Variants in ITPR1 observed in about 807,000 individuals in gnomAD.
ITPR1 encodes inositol 1,4,5-trisphosphate-gated calcium channel ITPR1.
A neutral mutation model predicts 318.4 loss-of-function variants in ITPR1; 96 were observed. That is an observed-to-expected ratio of 0.30 (90% confidence interval 0.26 to 0.36). ITPR1 has a LOEUF of 0.36. Ranked by LOEUF, ITPR1 falls within the 10% of genes least tolerant of loss-of-function variation. The pLI is 1.00. For missense variants in ITPR1, 2,440 were observed against 3,460.2 expected (o/e 0.71, Z 7.40); for synonymous variants, 1,312 against 1,289.9 (o/e 1.02, Z -0.37).
chr3:4,675,532 G>A (rs2094166693), intron 23 of ITPR1, among the ~76,000 whole-genome samples: 1 of 152,212 alleles, frequency 6.6e-6, no homozygotes, highest in Non-Finnish European at 1.5e-5. Flanking sequence ...ATGTGTTTAT[G>A]TATGAGTCGT....
chr3:4,632,860 G>T (rs1004620527), intron 5 of ITPR1, among the ~76,000 whole-genome samples: 1 of 134,324 alleles, frequency 7.4e-6, no homozygotes, highest in Non-Finnish European at 1.6e-5. Context: ...TGCTGTTTAT[G>T]TTTTTAAAAA....
chr3:4,774,793 A>G (rs79168837), intron 46 of ITPR1, among the ~76,000 whole-genome samples: 3,526 of 152,262 alleles, frequency 0.023, 140 homozygotes, highest in African/African-American at 0.08. Flanking sequence ...TCACACCCCC[A>G]TTTTATGGTG....
chr3:4,826,363 T>G lies in ITPR1; in HGVS notation c.8028+8121T>G, dbSNP rs1200229551. On this transcript the variant is annotated intron_variant, in intron 60 of 61. Transcript: ENST00000649015. The surrounding 1 kb of genome is among the most constrained non-coding windows in gnomAD (Gnocchi z 4.2). ...TGTCACCTGGGCTCTGACAAGCCCT[T>G]AACCATGGGTGAGGATACAGCCTGT... Among the ~76,000 whole-genome samples, 1 of 152,218 alleles carries G rather than the reference T, an allele frequency of 6.6e-6. No individual in the cohort carries two copies. The highest frequency in any genetic ancestry group is 2.4e-5 in the African/African-American group (1 of 41,460).
chr3:4,727,842 C>G (rs1425387977), intron 42 of ITPR1, among the ~76,000 whole-genome samples: 2 of 152,220 alleles, frequency 1.3e-5, no homozygotes, highest in African/African-American at 4.8e-5. Flanking sequence ...TCCCAAAGTG[C>G]TGGGATTACA....
intron 40 of ITPR1, among the ~76,000 whole-genome samples, chr3:4,719,088 T>C (rs889018498): frequency 2.6e-5 from 4 of 152,236 alleles, no homozygotes; most frequent in Non-Finnish European, 4.4e-5. Context: ...AAGATAGAAC[T>C]TGGGTCTCCT....
intron 51 of ITPR1, among the ~76,000 whole-genome samples, chr3:4,784,581 T>TA (rs1559890703): frequency 2.7e-5 from 4 of 147,186 alleles, no homozygotes; most frequent in Admixed American, 6.8e-5. Flanking sequence ...TTTTTTTTTT[T>TA]TAAAAAAGGT....
chr3:4,760,888 C>T (rs186132950), intron 44 of ITPR1, among the ~76,000 whole-genome samples: 1 of 152,304 alleles, frequency 6.6e-6, no homozygotes, highest in East Asian at 1.9e-4. Flanking sequence ...ACTTTAAGGT[C>T]GGTGATTAGC....
chr3:4,567,959 C>T (rs981362864), intron 4 of ITPR1, among the ~76,000 whole-genome samples: 7 of 147,842 alleles, frequency 4.7e-5, no homozygotes, highest in African/African-American at 1.8e-4. Flanking sequence ...TCAACACTCC[C>T]AGTAAGTCAC....
intron 7 of ITPR1, among the ~76,000 whole-genome samples, chr3:4,642,950 C>T (rs575279618): frequency 6.6e-5 from 10 of 152,214 alleles, no homozygotes; most frequent in East Asian, 5.8e-4. Flanking sequence ...AAAAATATGC[C>T]GCAAACAGCA....
At chr3:4,561,122 T>C (rs1013726711) in intron 4 of ITPR1, among the ~76,000 whole-genome samples, 5 of 152,170 alleles carry the variant, frequency 3.3e-5, no homozygotes, top group Non-Finnish European at 7.3e-5. Context: ...GATTTGCTAA[T>C]TGTCTGTATG....
At chr3:4,801,404 T>C (rs1245063145) in intron 54 of ITPR1, among the ~76,000 whole-genome samples, 16 of 152,078 alleles carry the variant, frequency 1.1e-4, no homozygotes, top group Admixed American at 9.8e-4. Flanking sequence ...GCAAGGACTT[T>C]AGAGAACAGG....
chr3:4,573,719 A>C (rs183746385), intron 4 of ITPR1, among the ~76,000 whole-genome samples: 2 of 152,282 alleles, frequency 1.3e-5, no homozygotes, highest in Non-Finnish European at 2.9e-5. Flanking sequence ...GGGTGTCTGT[A>C]TTCACAGACA....
chr3:4,532,478 C>T (rs554047487), intron 4 of ITPR1, among the ~76,000 whole-genome samples: 3 of 152,198 alleles, frequency 2.0e-5, no homozygotes, highest in Non-Finnish European at 2.9e-5. Flanking sequence ...GATCTTCCCC[C>T]CTCAGCCTCC....
At chr3:4,772,347 C>G (rs2046239711) in intron 46 of ITPR1, among the ~76,000 whole-genome samples, 1 of 152,230 alleles carries the variant, frequency 6.6e-6, no homozygotes, top group Non-Finnish European at 1.5e-5. Context: ...TGGGCTCGTG[C>G]CCGGAGTTGC....
chr3:4,773,830 T>C (rs1161637826), intron 46 of ITPR1, among the ~76,000 whole-genome samples: 1 of 152,144 alleles, frequency 6.6e-6, no homozygotes, highest in African/African-American at 2.4e-5. Flanking sequence ...TCCCTCCACC[T>C]CCCACCTGGA....
intron 4 of ITPR1, among the ~76,000 whole-genome samples, chr3:4,614,936 G>A (rs1485727050): frequency 6.6e-6 from 1 of 152,128 alleles, no homozygotes; most frequent in Non-Finnish European, 1.5e-5. Flanking sequence ...ATCACTCTAT[G>A]GTTCAGCTAG....
chr3:4,706,978 C>G (rs1471854077), intron 37 of ITPR1, among the ~76,000 whole-genome samples: 2 of 152,174 alleles, frequency 1.3e-5, no homozygotes, highest in Non-Finnish European at 2.9e-5. Context: ...TTGAGAATCG[C>G]AGATCCTTTG....
chr3:4,770,030 C>T, intron 46 of ITPR1, among the ~76,000 whole-genome samples: 1 of 152,200 alleles, frequency 6.6e-6, no homozygotes, highest in Admixed American at 6.5e-5. Flanking sequence ...AAGGAAAGGG[C>T]ATCTGAACCT....
At position 4,768,675 on chromosome 3, in the gene ITPR1, G is replaced by T; in HGVS notation, c.5890G>T (p.Asp1964Tyr). The T allele has an allele frequency of 5.6e-6, 9 of 1,613,932 alleles. No individual in the cohort carries two copies. The highest frequency in any genetic ancestry group is 7.6e-6 in the Non-Finnish European group (9 of 1,179,890). ...TQATADKAKDDLEMSAVITIM... is the reference protein window; with the variant it reads ...TQATADKAKDYLEMSAVITIM... ...GGCCACTGCCGACAAGGCCAAGGACGACCTGGAGATGAGCGCGGTCATCAC... is the reference window on the plus strand; with the variant it reads ...GGCCACTGCCGACAAGGCCAAGGACTACCTGGAGATGAGCGCGGTCATCAC... The change falls in exon 46 of 62, where the codon GAC (aspartate) becomes TAC (tyrosine). Residue 1964 changes from aspartate (D) to tyrosine (Y), a missense_variant. By Grantham distance (160) the Asp-to-Tyr change is radical (BLOSUM62 -3). Transcript: ENST00000649015.
Sources: gnomAD v4.1 joint callset for allele counts (sites outside exome capture counted in the v4.1 genomes callset) on GRCh38, gnomAD v4.1.1 for gene constraint, Gnocchi (gnomAD v3.1) non-coding constraint, MANE v1.5 for transcripts, NCBI Gene and HGNC (gene_info 2026-07-23, HGNC 2026-07-21) for gene names.